The following SGF29 variants were observed in gnomAD, a reference collection of about 807,000 sequenced individuals.
The protein encoded by SGF29 is SAGA complex associated factor 29.
A neutral mutation model predicts 38.1 loss-of-function variants in SGF29; 15 were observed. The observed-to-expected ratio is 0.39, with a 90% CI of 0.26 to 0.61. The LOEUF (loss-of-function observed/expected upper bound fraction) is 0.61. Among genes scored for constraint, SGF29 ranks in the 20% least tolerant of loss-of-function variants. The pLI, the probability that SGF29 is intolerant of heterozygous loss-of-function variation, is 0.49. For synonymous variants in SGF29, 151 were observed against 160.8 expected (o/e 0.94, Z 0.46); for missense variants, 184 against 394.6 (o/e 0.47, Z 4.52).
intron 1 of SGF29, among the ~76,000 whole-genome samples, chr16:28,576,644 G>A (rs992424357): frequency 3.4e-5 from 5 of 148,960 alleles, no homozygotes; most frequent in African/African-American, 1.2e-4. Context: ...AGATTGCAGT[G>A]AGCCGAGATC....
intron 1 of SGF29, among the ~76,000 whole-genome samples, chr16:28,559,942 C>T (rs1299720214): frequency 6.6e-6 from 1 of 152,124 alleles, no homozygotes; most frequent in Non-Finnish European, 1.5e-5. Flanking sequence ...AATTCTTAGA[C>T]ACAAGAAATG....
At chr16:28,567,129 TTTA>T (rs1410561218) in intron 1 of SGF29, among the ~76,000 whole-genome samples, 1 of 152,192 alleles carries the variant, frequency 6.6e-6, no homozygotes, top group Non-Finnish European at 1.5e-5. Flanking sequence ...AAATATTATT[TTTA>T]TTATGGAAAA....
intron 1 of SGF29, among the ~76,000 whole-genome samples, chr16:28,564,710 T>C (rs1406886544): frequency 3.3e-5 from 3 of 92,060 alleles, no homozygotes; most frequent in African/African-American, 7.8e-5. Context: ...TATATATACA[T>C]ATATATGTAT....
chr16:28,553,931 G>C lies in SGF29; in HGVS notation c.-182G>C, dbSNP rs917540802. 7 of 136,984 alleles carry C rather than the reference G, an allele frequency of 5.1e-5. No individual in the cohort carries two copies. The highest frequency in any genetic ancestry group is 1.6e-4 in the African/African-American group (6 of 37,662). The allele number at this position is 136,984 out of a possible 1,614,324, so 8.5% of individuals were successfully genotyped here. Reference sequence around the variant, plus strand: ...CATGCGTGCAAGGTCCTCCGCGCGCGACTACGCTCATAAAAGGAAAAAAAA... The same window carrying C: ...CATGCGTGCAAGGTCCTCCGCGCGCCACTACGCTCATAAAAGGAAAAAAAA... On this transcript the variant is annotated 5_prime_UTR_variant, in exon 1 of 10. Coordinates refer to ENST00000317058, the MANE Select transcript of SGF29 (RefSeq NM_138414.3).
Position 28,564,717 on chromosome 16 carries a change from GTA to G in SGF29, c.-16+10629_-16+10630del, listed in dbSNP as rs1198204396. Reference sequence around the variant, plus strand: ...TATATGTATATATATACATATATATGTATATATATACATATATATGTATATAT... The same window carrying G: ...TATATGTATATATATACATATATATGTATATATACATATATATGTATATAT... On this transcript the variant is annotated intron_variant, in intron 1 of 9. Transcript: ENST00000317058. Among the ~76,000 whole-genome samples, 22 of 61,670 alleles carry G rather than the reference GTA, an allele frequency of 3.6e-4. 1 individual carries two copies. Among genetic ancestry groups the G allele is most frequent in the Middle Eastern group, 9.8e-3 (1 of 102 alleles). 40.5% of individuals were successfully genotyped at this position (61,670 alleles called of 152,430 possible).
chr16:28,583,474 AGCT>A (rs1255625686), intron 2 of SGF29, among the ~76,000 whole-genome samples: 2 of 152,220 alleles, frequency 1.3e-5, no homozygotes. Context: ...GCAGCTAGCT[AGCT>A]GTGTTCACTG....
chr16:28,591,052 A>C, intron 9 of SGF29, 117 bp downstream of exon 9: 1 of 1,282,862 alleles, frequency 7.8e-7, no homozygotes, highest in African/African-American at 1.5e-5. Context: ...CTCCAAGCTG[A>C]CAGGACCCAC....
chr16:28,559,848 A>G (rs1461306156), intron 1 of SGF29, among the ~76,000 whole-genome samples: 1 of 152,226 alleles, frequency 6.6e-6, no homozygotes, highest in Non-Finnish European at 1.5e-5. Context: ...GCATGTTAAC[A>G]GAAACAAAAC....
At chr16:28,582,517 A>G (rs888077033) in intron 2 of SGF29, among the ~76,000 whole-genome samples, 22 of 152,212 alleles carry the variant, frequency 1.4e-4, no homozygotes, top group African/African-American at 4.3e-4. Context: ...ACTCTAATGC[A>G]AGATGTTAAC....
At chr16:28,562,166 C>T (rs1662811110) in intron 1 of SGF29, among the ~76,000 whole-genome samples, 1 of 152,174 alleles carries the variant, frequency 6.6e-6, no homozygotes, top group Non-Finnish European at 1.5e-5. Flanking sequence ...CTCTTTTGCT[C>T]AGTGTAACAG....
At chr16:28,572,101 C>T (rs1034809293) in intron 1 of SGF29, among the ~76,000 whole-genome samples, 6 of 151,342 alleles carry the variant, frequency 4.0e-5, no homozygotes, top group East Asian at 2.0e-4. Flanking sequence ...CTCAGCCTCC[C>T]GAGTAGCTGG....
At chr16:28,557,890 A>G (rs2046762301) in intron 1 of SGF29, among the ~76,000 whole-genome samples, 1 of 150,550 alleles carries the variant, frequency 6.6e-6, no homozygotes, top group Non-Finnish European at 1.5e-5. Flanking sequence ...AGAGTCCTGG[A>G]GTAAATCAGT....
At chr16:28,587,753 G>A (rs2151653773) in intron 4 of SGF29, among the ~76,000 whole-genome samples, 1 of 152,310 alleles carries the variant, frequency 6.6e-6, no homozygotes, top group African/African-American at 2.4e-5. Context: ...TGGTATCAGA[G>A]GAAAATAAAA....
chr16:28,582,080 C>T (rs2046929312), intron 2 of SGF29, among the ~76,000 whole-genome samples: 1 of 152,202 alleles, frequency 6.6e-6, no homozygotes, highest in African/African-American at 2.4e-5. Flanking sequence ...GATCAGTTTG[C>T]TGGCAGTTGT....
intron 5 of SGF29, 139 bp from the exon 6 acceptor site, chr16:28,589,957 G>T: frequency 8.1e-7 from 1 of 1,239,748 alleles, no homozygotes; most frequent in Non-Finnish European, 1.1e-6. Flanking sequence ...GGCCGATGGG[G>T]TCACAGTCCT....
chr16:28,564,396 T>G (rs2046808024), intron 1 of SGF29, among the ~76,000 whole-genome samples: 1 of 150,878 alleles, frequency 6.6e-6, no homozygotes, highest in Non-Finnish European at 1.5e-5. Flanking sequence ...CGGAGCGATC[T>G]TCCACCGGGT....
intron 4 of SGF29, among the ~76,000 whole-genome samples, chr16:28,587,273 T>C (rs2046960973): frequency 6.6e-6 from 1 of 152,226 alleles, no homozygotes; most frequent in East Asian, 1.9e-4. Context: ...TTTTTTAAAC[T>C]TCCCCCAGGA....
In SGF29 at chr16:28,585,629, C is replaced by G; in HGVS notation, c.152-19C>G. On this transcript the variant is annotated intron_variant, in intron 3 of 9. Transcript: ENST00000317058. ...GCCTGCCCTGGCCCTGCCTCCTTAT[C>G]CCTGTGTTTCCTCTGCAGTTTCTCC... The G allele has an allele frequency of 1.2e-6, 2 of 1,612,480 alleles. No homozygotes were observed. Among genetic ancestry groups the G allele is most frequent in the East Asian group, 2.2e-5 (1 of 44,876 alleles).
chr16:28,561,852 G>A (rs2046792118), intron 1 of SGF29, among the ~76,000 whole-genome samples: 1 of 152,248 alleles, frequency 6.6e-6, no homozygotes, highest in Non-Finnish European at 1.5e-5. Context: ...CCAACCCCAG[G>A]GCCTCATTCC....
Sources: allele counts gnomAD v4.1 joint callset (sites outside exome capture counted in the v4.1 genomes callset), GRCh38; gene constraint gnomAD v4.1.1; transcripts MANE v1.5; gene names NCBI Gene and HGNC (gene_info 2026-07-23, HGNC 2026-07-21).